FBXO33: variants seen among roughly 807,000 people sequenced by gnomAD.
FBXO33 encodes F-box only protein 33.
Under a neutral mutation model 46.3 loss-of-function variants are expected in FBXO33, and 22 were observed. That is an observed-to-expected ratio of 0.48 (90% CI 0.34 to 0.68). The LOEUF is 0.68. FBXO33 is among the 30% of genes least tolerant of loss of function. FBXO33 has a pLI of 0.01. For synonymous variants in FBXO33, 337 were observed against 291.3 expected, an observed-to-expected ratio of 1.16 and a Z score of -1.60; for missense variants, 692 against 708.8, an observed-to-expected ratio of 0.98 and a Z score of 0.27.
At chr14:39,418,774 C>CAA (rs1237168650) in intron 1 of FBXO33, among the ~76,000 whole-genome samples, 29 of 60,034 alleles carry the variant, frequency 4.8e-4, no homozygotes, top group African/African-American at 1.5e-3. Flanking sequence ...GACTCCGTCT[C>CAA]AAAAAAAAAA....
At chr14:39,418,323 A>G (rs2075459777) in intron 1 of FBXO33, among the ~76,000 whole-genome samples, 1 of 151,320 alleles carries the variant, frequency 6.6e-6, no homozygotes, top group Admixed American at 6.6e-5. Flanking sequence ...TCAGCCTCCC[A>G]AAGTGCTGGG....
At position 39,401,688 on chromosome 14, in the gene FBXO33, GTGC is replaced by G. The variant is rs754970812; in HGVS notation, c.881_883del (p.Ser294del). On this transcript the variant is annotated inframe_deletion, in exon 3 of 4. Transcript: ENST00000298097. ...CTCCAGTTCAACTGCAGTAATAAGA[GTGC>G]TGTTACCAGGAATATTATTGTCCAG... 1.5e-5 allele frequency: 24 copies of G among 1,614,076 alleles called. No individual in the cohort carries two copies. The highest frequency in any genetic ancestry group is 6.7e-5 in the Admixed American group (4 of 60,002).
Position 39,402,508 on chromosome 14 carries a change from G to A in FBXO33, c.603C>T (p.Asn201=). Reference sequence around the variant, plus strand: ...CTCCAAAAAGACTAAACTTCTGAAGGTTCCTACAAGAACAATCATTTAAAA... The same window carrying A: ...CTCCAAAAAGACTAAACTTCTGAAGATTCCTACAAGAACAATCATTTAAAA... ...CVLVSIRNNR[N]LQKFSLFGDI... Residue 201 remains asparagine (N), a synonymous_variant, in exon 2 of 4, where the codon AAC becomes AAT. Coordinates refer to ENST00000298097, the MANE Select transcript of FBXO33 (RefSeq NM_203301.4). 2 of 1,476,540 alleles carry A rather than the reference G, an allele frequency of 1.4e-6. No homozygotes were observed. Among genetic ancestry groups the A allele is most frequent in the South Asian group, 3.0e-5 (2 of 65,932 alleles). The allele number at this position is 1,476,540 out of a possible 1,614,324, so 91.5% of individuals were successfully genotyped here. A position where few individuals can be genotyped will look rare whatever the true frequency, so the allele number is the denominator to read the frequency against.
rs2075349903 is a variant in FBXO33 at position 39,397,820 on chromosome 14, T to G, written c.*1696A>C. ...TTTAACATAAACCATACAACATCAG[T>G]CATCAGGTCAAACATTCAGCTGGTT... On this transcript the variant is annotated 3_prime_UTR_variant, in exon 4 of 4. Coordinates refer to ENST00000298097, the MANE Select transcript of FBXO33 (RefSeq NM_203301.4). 6.6e-6 allele frequency: 1 copy of G among 152,650 alleles called. No homozygotes were observed. The highest frequency in any genetic ancestry group is 6.5e-5 in the Admixed American group (1 of 15,284). 9.5% of individuals were successfully genotyped at this position (152,650 alleles called of 1,614,324 possible). A position where few individuals can be genotyped will look rare whatever the true frequency, so the allele number is the denominator to read the frequency against.
At chr14:39,417,429 G>A (rs567477426) in intron 1 of FBXO33, among the ~76,000 whole-genome samples, 1 of 152,348 alleles carries the variant, frequency 6.6e-6, no homozygotes, top group Admixed American at 6.5e-5. Flanking sequence ...AAGTGAATTT[G>A]CTCTCCTTAC....
intron 1 of FBXO33, among the ~76,000 whole-genome samples, chr14:39,411,626 G>A (rs2075423586): frequency 6.6e-6 from 1 of 151,588 alleles, no homozygotes; most frequent in African/African-American, 2.4e-5. Context: ...GGGTTGAAGC[G>A]ATTCTCCTGC....
At position 39,401,869 on chromosome 14, in the gene FBXO33, GA is replaced by G; in HGVS notation, c.711-9del. On this transcript the variant is annotated splice_polypyrimidine_tract_variant and intron_variant, in intron 2 of 3. Transcript: ENST00000298097. Reference sequence around the variant, plus strand: ...TCAAACAGTTGCTGAATTCTATAAGGAAAACACATGCCACAGTGATCCCATT... The same window carrying G: ...TCAAACAGTTGCTGAATTCTATAAGGAAACACATGCCACAGTGATCCCATT... 6.3e-7 allele frequency: 1 copy of G among 1,595,420 alleles called. No individual in the cohort carries two copies. Among genetic ancestry groups the G allele is most frequent in the Non-Finnish European group, 8.6e-7 (1 of 1,168,700 alleles).
chr14:39,426,581 C>G (rs1156280995), intron 1 of FBXO33, among the ~76,000 whole-genome samples: 1 of 152,176 alleles, frequency 6.6e-6, no homozygotes, highest in East Asian at 1.9e-4. Context: ...CCCAATTCTT[C>G]CTTCTTCTAC....
At chr14:39,425,209 G>A (rs1005571769) in intron 1 of FBXO33, among the ~76,000 whole-genome samples, 1 of 152,176 alleles carries the variant, frequency 6.6e-6, no homozygotes, top group Non-Finnish European at 1.5e-5. Context: ...TTGTGACCCA[G>A]TGCTTGAGAT....
In FBXO33 at chr14:39,401,952, G is replaced by T; in HGVS notation, c.711-91C>A. Reference sequence around the variant, plus strand: ...TTTGAAAATAGGCAATGAAAAGCATGCAATTTTGAGATCTATTTTTCCTCA... The same window carrying T: ...TTTGAAAATAGGCAATGAAAAGCATTCAATTTTGAGATCTATTTTTCCTCA... On this transcript the variant is annotated intron_variant, in intron 2 of 3. Coordinates refer to ENST00000298097, the MANE Select transcript of FBXO33 (RefSeq NM_203301.4). The T allele has an allele frequency of 2.9e-6, 3 of 1,029,190 alleles. No homozygotes were observed. In the South Asian group the frequency reaches 4.9e-5, roughly 17 times the overall value. 63.8% of individuals were successfully genotyped at this position (1,029,190 alleles called of 1,614,324 possible). A position where few individuals can be genotyped will look rare whatever the true frequency, so the allele number is the denominator to read the frequency against.
chr14:39,413,557 A>G (rs1474740022), intron 1 of FBXO33, among the ~76,000 whole-genome samples: 4 of 152,206 alleles, frequency 2.6e-5, no homozygotes, highest in Non-Finnish European at 5.9e-5. Context: ...TAAGGTTTTC[A>G]GTTTACTTTT....
At chr14:39,421,719 C>T (rs1391882643) in intron 1 of FBXO33, among the ~76,000 whole-genome samples, 1 of 151,370 alleles carries the variant, frequency 6.6e-6, no homozygotes, top group Non-Finnish European at 1.5e-5. Context: ...AGTTAAACAA[C>T]AAAGTAAGTT....
intron 1 of FBXO33, among the ~76,000 whole-genome samples, chr14:39,422,600 A>G (rs1413522646): frequency 6.6e-6 from 1 of 152,204 alleles, no homozygotes; most frequent in African/African-American, 2.4e-5. Context: ...TCTACATTTC[A>G]TTGCTTTCCA....
chr14:39,408,356 G>A (rs908407808), intron 1 of FBXO33, among the ~76,000 whole-genome samples: 4 of 152,042 alleles, frequency 2.6e-5, no homozygotes, highest in African/African-American at 9.7e-5. Context: ...TATGCCTGGA[G>A]GCCATTTGTA....
chr14:39,430,676 A>G (rs1269721191), intron 1 of FBXO33, among the ~76,000 whole-genome samples: 3 of 152,184 alleles, frequency 2.0e-5, no homozygotes, highest in African/African-American at 7.2e-5. Flanking sequence ...GTGAACGTCT[A>G]AACTTTCTTC....
intron 1 of FBXO33, among the ~76,000 whole-genome samples, chr14:39,420,429 G>A (rs1181327904): frequency 6.6e-6 from 1 of 152,296 alleles, no homozygotes; most frequent in Admixed American, 6.5e-5. Flanking sequence ...GGTGGCTCAC[G>A]CCTGTAATCT....
chr14:39,414,808 C>A (rs950813577), intron 1 of FBXO33, among the ~76,000 whole-genome samples: 3 of 152,098 alleles, frequency 2.0e-5, no homozygotes, highest in African/African-American at 7.2e-5. Flanking sequence ...AACACAGGTG[C>A]ACACCACTAT....
Position 39,432,273 on chromosome 14 carries a change from A to C in FBXO33, c.-111T>G. ...CTGCGGGCGTGGCCTGCCGGGAGCC[A>C]GCCTCTGTCTTCTCAAACTCTACTC... is the stretch of plus-strand genomic sequence containing the variant. On this transcript the variant is annotated 5_prime_UTR_variant, in exon 1 of 4. Coordinates refer to ENST00000298097, the MANE Select transcript of FBXO33 (RefSeq NM_203301.4). 9 of 921,454 alleles carry C rather than the reference A, an allele frequency of 9.8e-6. No individual in the cohort carries two copies. Among genetic ancestry groups the C allele is most frequent in the Non-Finnish European group, 1.2e-5 (9 of 723,922 alleles). 57.1% of individuals were successfully genotyped at this position (921,454 alleles called of 1,614,324 possible).
In FBXO33 at chr14:39,428,746, C is replaced by A. The variant is rs1567079937; in HGVS notation, c.599+2818G>T. Among the ~76,000 whole-genome samples the A allele has an allele frequency of 2.0e-5, 3 of 152,144 alleles. No individual in the cohort carries two copies. In the South Asian group the frequency reaches 6.2e-4, roughly 32 times the overall value. Reference sequence around the variant, plus strand: ...CAGCATTTTAATAGGCAGTACCCAACCTGACAACTGGATTAAATGCTAAAA... The same window carrying A: ...CAGCATTTTAATAGGCAGTACCCAAACTGACAACTGGATTAAATGCTAAAA... On this transcript the variant is annotated intron_variant, in intron 1 of 3. Transcript: ENST00000298097.
Sources: allele counts gnomAD v4.1 joint callset (sites outside exome capture counted in the v4.1 genomes callset), GRCh38; gene constraint gnomAD v4.1.1; transcripts MANE v1.5; gene names NCBI Gene and HGNC (gene_info 2026-07-23, HGNC 2026-07-21).